The following NUP98 variants were observed in gnomAD, a reference collection of about 807,000 sequenced individuals.
NUP98 encodes the protein nuclear pore complex protein Nup98-Nup96.
A neutral mutation model predicts 191.9 loss-of-function variants in NUP98; 26 were observed. The ratio of observed to expected loss-of-function variants is 0.14; its 90% CI spans 0.10 to 0.19. The LOEUF (loss-of-function observed/expected upper bound fraction) is 0.19, where lower values mean the gene tolerates loss of function less well. Among genes scored for constraint, NUP98 ranks in the 10% least tolerant of loss-of-function variants. The pLI, the probability that NUP98 is intolerant of heterozygous loss-of-function variation, is 1.00. For synonymous variants in NUP98, 808 were observed against 778.4 expected, an observed-to-expected ratio of 1.04 and a Z score of -0.63; for missense variants, 1,941 against 2,178.8, an observed-to-expected ratio of 0.89 and a Z score of 2.17.
In NUP98 at chr11:3,721,525, C is replaced by A. The variant is rs367614248; in HGVS notation, c.2147-700G>T. Among the ~76,000 whole-genome samples the A allele has an allele frequency of 3.3e-5, 5 of 152,018 alleles. No homozygotes were observed. The South Asian group carries it at 1.0e-3, about 32-fold the overall frequency. On this transcript the variant is annotated intron_variant, in intron 16 of 32. Transcript: ENST00000324932. ...CAAGCCTGGCTAACATGGCAAAAAT[C>A]CATTATCTACCAAAAATACAAAAAT...
Position 3,797,545 on chromosome 11 carries a change from G to C in NUP98, c.-174C>G, listed in dbSNP as rs1305642139. 2.1e-6 allele frequency: 1 copy of C among 479,466 alleles called. No homozygotes were observed. The highest frequency in any genetic ancestry group is 3.7e-6 in the Non-Finnish European group (1 of 273,778). The allele number at this position is 479,466 out of a possible 1,614,324, so 29.7% of individuals were successfully genotyped here. ...CCGCTTCGGGCGCAGCGCGCAGAGG[G>C]CCCGACTGCGTCACACGCCGCCCGG... On this transcript the variant is annotated 5_prime_UTR_variant, in exon 1 of 33. Coordinates refer to ENST00000324932, the MANE Select transcript of NUP98 (RefSeq NM_016320.5).
At chr11:3,686,869 C>T (rs1338836500) in intron 28 of NUP98, among the ~76,000 whole-genome samples, 1 of 152,018 alleles carries the variant, frequency 6.6e-6, no homozygotes, top group Admixed American at 6.6e-5. Context: ...TGCCTGTATT[C>T]CCGGCTACTC....
chr11:3,735,752 T>A (rs1017253979), intron 12 of NUP98, among the ~76,000 whole-genome samples: 4 of 39,022 alleles, frequency 1.0e-4, no homozygotes, highest in Non-Finnish European at 4.9e-5. Context: ...GCAAGTAGTG[T>A]GTGTGTGTGT....
chr11:3,791,044 C>T (rs562601034), intron 1 of NUP98, among the ~76,000 whole-genome samples: 26 of 151,900 alleles, frequency 1.7e-4, no homozygotes, highest in Admixed American at 6.6e-4. Context: ...TACAGGCGCC[C>T]GCCACCACGC....
At chr11:3,756,877 G>T (rs969404174) in intron 10 of NUP98, among the ~76,000 whole-genome samples, 5 of 148,676 alleles carry the variant, frequency 3.4e-5, no homozygotes, top group Non-Finnish European at 6.0e-5. Flanking sequence ...CACGAGGTCA[G>T]GAGATCGAGA....
chr11:3,725,018 T>A (rs996611313), intron 15 of NUP98, 85 bp downstream of exon 15: 2 of 647,020 alleles, frequency 3.1e-6, no homozygotes, highest in Non-Finnish European at 5.4e-6. Flanking sequence ...TCAAACTTCA[T>A]AAATTTTCAT....
rs140077767 is a variant in NUP98, at chr11:3,723,204, T to C, written c.2099A>G (p.Asp700Gly). 15 of 1,614,042 alleles carry C rather than the reference T, an allele frequency of 9.3e-6. No individual in the cohort carries two copies. The African/African-American group carries it at 2.0e-4, about 22-fold the overall frequency. Residue 700 changes from aspartate (D) to glycine (G), a missense_variant, in exon 16 of 33, where the codon GAT (aspartate) becomes GGT (glycine). This residue lies in a region of NUP98 where 453 missense variants were observed against 438.2 expected (regional missense o/e 1.03). Coordinates refer to ENST00000324932, the MANE Select transcript of NUP98 (RefSeq NM_016320.5). Reference sequence around the variant, plus strand: ...ATTATTTTCTATTTCTTCTCGGTCATCCTGAAGTGACTCATCATGAAAAGA... The same window carrying C: ...ATTATTTTCTATTTCTTCTCGGTCACCCTGAAGTGACTCATCATGAAAAGA... Reference protein sequence around the residue: ...ETSFHDESLQDDREEIENNSY... With the variant: ...ETSFHDESLQGDREEIENNSY...
chr11:3,742,977 C>G (rs903147164), intron 12 of NUP98, among the ~76,000 whole-genome samples: 1 of 151,952 alleles, frequency 6.6e-6, no homozygotes, highest in Non-Finnish European at 1.5e-5. Flanking sequence ...GGTGATAACC[C>G]GTTTTTCACT....
chr11:3,728,369 ATC>A (rs2079702265), intron 14 of NUP98, among the ~76,000 whole-genome samples: 1 of 152,216 alleles, frequency 6.6e-6, no homozygotes, highest in African/African-American at 2.4e-5. Flanking sequence ...AAGGGAAATG[ATC>A]TGACTTATGC....
chr11:3,726,807 G>A (rs1320558204), intron 14 of NUP98, among the ~76,000 whole-genome samples: 3 of 150,528 alleles, frequency 2.0e-5, no homozygotes, highest in African/African-American at 7.3e-5. Flanking sequence ...TTTGAGACAG[G>A]CTGGAGTACA....
chr11:3,797,344 G>A (rs532161042), intron 1 of NUP98, 56 bp downstream of exon 1: 25 of 399,742 alleles, frequency 6.3e-5, no homozygotes, highest in Non-Finnish European at 4.4e-6. Flanking sequence ...CCGCCCGCCC[G>A]GAAGGGGGGA....
At chr11:3,718,095 G>A (rs2079251433) in intron 18 of NUP98, among the ~76,000 whole-genome samples, 2 of 152,208 alleles carry the variant, frequency 1.3e-5, no homozygotes, top group African/African-American at 2.4e-5. Flanking sequence ...GAATGAGTGT[G>A]AAAGTATTCC....
chr11:3,763,418 T>C (rs905253215), intron 8 of NUP98, among the ~76,000 whole-genome samples: 10 of 152,198 alleles, frequency 6.6e-5, no homozygotes, highest in African/African-American at 1.9e-4. Flanking sequence ...AAATAGTATG[T>C]CTAGGTCCTT....
At chr11:3,686,244 G>T in intron 28 of NUP98, 50 bp from the exon 29 acceptor site, 2 of 1,522,740 alleles carry the variant, frequency 1.3e-6, no homozygotes, top group South Asian at 1.1e-5. Flanking sequence ...AGACGGCCTG[G>T]ACTGATATGT....
At chr11:3,745,104 ACAAC>A (rs2080442410) in intron 11 of NUP98, among the ~76,000 whole-genome samples, 1 of 152,208 alleles carries the variant, frequency 6.6e-6, no homozygotes, top group Non-Finnish European at 1.5e-5. Flanking sequence ...GGTGTATTTG[ACAAC>A]CAGGGCTCTT....
At chr11:3,771,643 A>AC (rs1224603111) in intron 7 of NUP98, 105 bp downstream of exon 7, 1 of 940,348 alleles carries the variant, frequency 1.1e-6, no homozygotes, top group African/African-American at 1.6e-5. Context: ...GGTATCCCTG[A>AC]ATTATTATTT....
Position 3,762,792 on chromosome 11 carries a change from CAAT to C in NUP98, c.1086+107_1086+109del, listed in dbSNP as rs1171905854. The C allele has an allele frequency of 2.8e-6, 3 of 1,081,750 alleles. No individual in the cohort carries two copies. In the East Asian group the frequency reaches 7.4e-5, roughly 27 times the overall value. 67.0% of individuals were successfully genotyped at this position (1,081,750 alleles called of 1,614,324 possible). A position where few individuals can be genotyped will look rare whatever the true frequency, so the allele number is the denominator to read the frequency against. The stretch of plus-strand genomic sequence containing the variant: ...AGAATCAAATCATATTAGGCTGGTG[CAAT>C]AATACACCCAATAAAAATACCTGCA... On this transcript the variant is annotated intron_variant, in intron 9 of 32. Transcript: ENST00000324932.
intron 7 of NUP98, among the ~76,000 whole-genome samples, chr11:3,770,671 T>C (rs2133902081): frequency 6.6e-6 from 1 of 152,260 alleles, no homozygotes; most frequent in South Asian, 2.1e-4. Context: ...GGCAAGTATA[T>C]AACCTCTGGT....
At chr11:3,733,662 A>G (rs2079928427) in intron 13 of NUP98, among the ~76,000 whole-genome samples, 1 of 152,184 alleles carries the variant, frequency 6.6e-6, no homozygotes, top group South Asian at 2.1e-4. Flanking sequence ...TATAGCATGT[A>G]TCAGTACTTT....
Sources: allele counts gnomAD v4.1 joint callset (sites outside exome capture counted in the v4.1 genomes callset), GRCh38; gene constraint gnomAD v4.1.1; regional missense constraint gnomAD v4.1.1; transcripts MANE v1.5; gene names NCBI Gene and HGNC (gene_info 2026-07-23, HGNC 2026-07-21).